The following METTL15 variants were observed in gnomAD, a reference collection of about 807,000 sequenced individuals.
The protein encoded by METTL15 is methyltransferase 15, mitochondrial 12S rRNA N4-cytidine, also known as 12S rRNA N(4)-cytidine methyltransferase METTL15.
In METTL15, 34 loss-of-function variants were observed where a neutral mutation model predicts 38.3. The ratio of observed to expected loss-of-function variants is 0.89; its 90% CI spans 0.68 to 1.18. The LOEUF (loss-of-function observed/expected upper bound fraction) is 1.18. Among genes scored for constraint, METTL15 ranks in the 50% most tolerant of loss-of-function variants. The pLI, the probability that METTL15 is intolerant of heterozygous loss-of-function variation, is 0.00. For synonymous variants in METTL15, 162 were observed against 170.9 expected, an observed-to-expected ratio of 0.95 and a Z score of 0.41; for missense variants, 438 against 498.4, an observed-to-expected ratio of 0.88 and a Z score of 1.15.
intron 3 of METTL15, among the ~76,000 whole-genome samples, chr11:28,351,503 A>G (rs1590341979): frequency 6.6e-6 from 1 of 152,192 alleles, no homozygotes; most frequent in African/African-American, 2.4e-5. Flanking sequence ...CCTGCCCCAC[A>G]TGTCTATACC....
At chr11:28,500,678 A>G (rs1248933633) in intron 6 of METTL15, among the ~76,000 whole-genome samples, 1 of 151,968 alleles carries the variant, frequency 6.6e-6, no homozygotes, top group Non-Finnish European at 1.5e-5. Context: ...ATTCACCACC[A>G]AGCCTAGCTA....
At chr11:28,143,138 A>T (rs1849757317) in intron 3 of METTL15, among the ~76,000 whole-genome samples, 1 of 151,854 alleles carries the variant, frequency 6.6e-6, no homozygotes, top group Admixed American at 6.6e-5. Flanking sequence ...TTTTTTGGAC[A>T]TGTTTTTAGA....
At chr11:28,420,462 T>C (rs544945725) in intron 5 of METTL15, among the ~76,000 whole-genome samples, 1 of 152,180 alleles carries the variant, frequency 6.6e-6, no homozygotes, top group African/African-American at 2.4e-5. Flanking sequence ...ATGGACCTTA[T>C]GTTAGTCCAC....
At chr11:28,275,323 T>G (rs1432992935) in intron 4 of METTL15, among the ~76,000 whole-genome samples, 1 of 151,922 alleles carries the variant, frequency 6.6e-6, no homozygotes. Flanking sequence ...TAGAGACTTA[T>G]GAACAACTTT....
At chr11:28,486,102 G>T (rs893324469) in intron 6 of METTL15, among the ~76,000 whole-genome samples, 1 of 152,194 alleles carries the variant, frequency 6.6e-6, no homozygotes, top group Non-Finnish European at 1.5e-5. Flanking sequence ...TTAGCGCTAT[G>T]AGAAGGGGAG....
chr11:28,376,798 C>T (rs987579530), intron 5 of METTL15, among the ~76,000 whole-genome samples: 23 of 149,140 alleles, frequency 1.5e-4, no homozygotes, highest in East Asian at 7.8e-4. Context: ...CGGCTGGTAC[C>T]GGTTGTTCCT....
chr11:28,226,582 G>A (rs1436642637), intron 4 of METTL15, among the ~76,000 whole-genome samples: 1 of 151,302 alleles, frequency 6.6e-6, no homozygotes, highest in Non-Finnish European at 1.5e-5. Context: ...TTAATTTTTG[G>A]CCAAATTTAC....
intron 3 of METTL15, chr11:28,145,007 G>C (rs550311981): frequency 6.4e-5 from 13 of 203,986 alleles, no homozygotes; most frequent in Admixed American, 2.2e-4. Context: ...ACTGTCAGCT[G>C]TTAGAAGCTA....
At chr11:28,365,856 C>A (rs1850180402) in intron 5 of METTL15, among the ~76,000 whole-genome samples, 1 of 152,086 alleles carries the variant, frequency 6.6e-6, no homozygotes, top group African/African-American at 2.4e-5. Context: ...GTGAGACCTT[C>A]CTGGCTAACA....
At chr11:28,488,242 A>G (rs143146623) in intron 6 of METTL15, among the ~76,000 whole-genome samples, 493 of 152,284 alleles carry the variant, frequency 3.2e-3, no homozygotes, top group African/African-American at 0.012. Flanking sequence ...TGGCTTTGAG[A>G]ATAGAAGTTT....
chr11:28,254,449 T>G (rs1339158811), intron 4 of METTL15, among the ~76,000 whole-genome samples: 1 of 152,188 alleles, frequency 6.6e-6, no homozygotes, highest in African/African-American at 2.4e-5. Context: ...TTCACTTTAT[T>G]GATTGTATAC....
chr11:28,423,574 A>G (rs551096290), intron 5 of METTL15, among the ~76,000 whole-genome samples: 9 of 152,244 alleles, frequency 5.9e-5, no homozygotes, highest in Non-Finnish European at 1.3e-4. Flanking sequence ...ACTGGAGGTT[A>G]TTATGTTAAG....
intron 5 of METTL15, among the ~76,000 whole-genome samples, chr11:28,386,849 A>C (rs1850446621): frequency 6.6e-6 from 1 of 152,024 alleles, no homozygotes. Context: ...GATTGAACTC[A>C]TGCCAAATAT....
chr11:28,527,503 A>G (rs1851820218), downstream of METTL15, among the ~76,000 whole-genome samples: 1 of 152,236 alleles, frequency 6.6e-6, no homozygotes, highest in African/African-American at 2.4e-5. Flanking sequence ...CTGGTGATTC[A>G]ATGGACATCA....
intron 3 of METTL15, chr11:28,197,459 G>A: frequency 2.3e-6 from 1 of 440,924 alleles, no homozygotes; most frequent in South Asian, 1.7e-5. Flanking sequence ...CATGTGTATT[G>A]TCTTATTTGC....
intron 4 of METTL15, among the ~76,000 whole-genome samples, chr11:28,230,953 AATAG>A (rs1853661161): frequency 6.6e-6 from 1 of 151,944 alleles, no homozygotes; most frequent in African/African-American, 2.4e-5. Flanking sequence ...CTCATTGTCT[AATAG>A]ATAGACAAGT....
At chr11:28,334,264 A>G (rs1849880595), downstream of METTL15, among the ~76,000 whole-genome samples, 1 of 152,074 alleles carries the variant, frequency 6.6e-6, no homozygotes, top group African/African-American at 2.4e-5. Context: ...ATCTCTGGAA[A>G]AAGAAATATT....
intron 5 of METTL15, among the ~76,000 whole-genome samples, chr11:28,389,172 T>C (rs553741175): frequency 1.3e-5 from 2 of 151,986 alleles, no homozygotes; most frequent in East Asian, 1.9e-4. Context: ...AGCAGCATGA[T>C]TTATAATCCT....
At chr11:28,514,350 T>C (rs1851701886) in intron 6 of METTL15, among the ~76,000 whole-genome samples, 1 of 152,206 alleles carries the variant, frequency 6.6e-6, no homozygotes, top group Non-Finnish European at 1.5e-5. Context: ...TATGTGTTTA[T>C]AAGATCTGAG....
Sources: gnomAD v4.1 joint callset for allele counts (sites outside exome capture counted in the v4.1 genomes callset) on GRCh38, gnomAD v4.1.1 for gene constraint, MANE v1.5 for transcripts, NCBI Gene and HGNC (gene_info 2026-07-23, HGNC 2026-07-21) for gene names.